The following TMEM231 variants were observed in gnomAD, a reference collection of about 807,000 sequenced individuals.
TMEM231 encodes transmembrane protein 231.
Under a neutral mutation model 38.5 loss-of-function variants are expected in TMEM231, and 40 were observed. That is an observed-to-expected ratio of 1.04 (90% CI 0.81 to 1.35). The LOEUF is 1.35. Ranked by LOEUF, TMEM231 falls within the 40% of genes most tolerant of loss-of-function variation. TMEM231 has a pLI of 0.00. For synonymous variants in TMEM231, 199 were observed against 181.7 expected, an observed-to-expected ratio of 1.10 and a Z score of -0.77; for missense variants, 420 against 416.9, an observed-to-expected ratio of 1.01 and a Z score of -0.07.
At chr16:75,544,375 C>T (rs760993221) in intron 4 of TMEM231, among the ~76,000 whole-genome samples, 7 of 152,098 alleles carry the variant, frequency 4.6e-5, no homozygotes, top group South Asian at 2.1e-4. Context: ...ATGGCATGGT[C>T]CGATAAGCCA....
chr16:75,540,114 C>G lies in TMEM231; in HGVS notation c.831G>C (p.Leu277=). The change falls in exon 7 of 7, where the codon CTG becomes CTC. Residue 277 remains leucine, a synonymous_variant. Coordinates refer to ENST00000258173, the MANE Select transcript of TMEM231 (RefSeq NM_001077418.3). ...TTTCAAACACCCAGAGGAAGATAAGCAGGATGCTGACATACTGCACCCAGG... is the reference window on the plus strand; with the variant it reads ...TTTCAAACACCCAGAGGAAGATAAGGAGGATGCTGACATACTGCACCCAGG... ...KFAWVQYVSI[L]LIFLWVFERI... The G allele has an allele frequency of 1.2e-6, 2 of 1,613,852 alleles. No homozygotes were observed. The highest frequency in any genetic ancestry group is 2.2e-5 in the East Asian group (1 of 44,882).
chr16:75,553,698 T>A (rs892601879), intron 2 of TMEM231, among the ~76,000 whole-genome samples: 1 of 151,914 alleles, frequency 6.6e-6, no homozygotes, highest in Non-Finnish European at 1.5e-5. Flanking sequence ...TAATTTTTTA[T>A]TTTTTTGAAA....
Position 75,540,190 on chromosome 16 carries a change from G to T in TMEM231, c.771-16C>A, listed in dbSNP as rs563054843. 6.2e-7 allele frequency: 1 copy of T among 1,604,544 alleles called. No individual in the cohort carries two copies. Among genetic ancestry groups the T allele is most frequent in the Admixed American group, 1.7e-5 (1 of 58,932 alleles). On this transcript the variant is annotated splice_polypyrimidine_tract_variant and intron_variant, in intron 6 of 6. Transcript: ENST00000258173. ...TGGCTGATAAGTATGGACAGTTAAG[G>T]AGTGAAGGGCCACATGGTGTTAAGT...
At chr16:75,540,803 G>T (rs754309789) in intron 6 of TMEM231, among the ~76,000 whole-genome samples, 2 of 152,086 alleles carry the variant, frequency 1.3e-5, no homozygotes, top group African/African-American at 2.4e-5. Context: ...AAACAAATAG[G>T]ACCAAGACAT....
chr16:75,544,305 G>A (rs2080658073), intron 4 of TMEM231, among the ~76,000 whole-genome samples: 1 of 152,222 alleles, frequency 6.6e-6, no homozygotes. Context: ...AGGAGGGGCT[G>A]CTACTGTAGA....
intron 2 of TMEM231, 126 bp from the exon 3 acceptor site, chr16:75,546,080 A>G: frequency 1.9e-6 from 3 of 1,547,196 alleles, no homozygotes; most frequent in South Asian, 1.2e-5. Context: ...CTCCTCCACT[A>G]AAAGAGAAAA....
intron 6 of TMEM231, among the ~76,000 whole-genome samples, chr16:75,540,653 C>T (rs1422678206): frequency 2.0e-5 from 3 of 152,112 alleles, no homozygotes; most frequent in East Asian, 3.8e-4. Context: ...TTCCATTAGT[C>T]GACCTAAGTC....
At chr16:75,554,569 GAAAAGAA>G (rs2080792014) in intron 2 of TMEM231, among the ~76,000 whole-genome samples, 12 of 141,508 alleles carry the variant, frequency 8.5e-5, no homozygotes, top group Middle Eastern at 3.6e-3. Flanking sequence ...AAAAAGAAAA[GAAAAGAA>G]AAAAGAAAAG....
intron 2 of TMEM231, among the ~76,000 whole-genome samples, chr16:75,548,387 A>C (rs1379107616): frequency 6.6e-6 from 1 of 152,154 alleles, no homozygotes; most frequent in East Asian, 1.9e-4. Context: ...TCACTCATTG[A>C]TCTGTTACGT....
At position 75,537,292 on chromosome 16, in the gene TMEM231, G is replaced by A. The variant is rs1289776374; in HGVS notation, c.*2702C>T. ...CATGAGTCTACAATAAAAGTTGGAA[G>A]GAAAAAAAAAAAAGAAATAATTGCT... is the stretch of plus-strand genomic sequence containing the variant. On this transcript the variant is annotated 3_prime_UTR_variant, in exon 7 of 7. Coordinates refer to ENST00000258173, the MANE Select transcript of TMEM231 (RefSeq NM_001077418.3). The A allele has an allele frequency of 4.1e-5, 6 of 145,228 alleles. No homozygotes were observed. Among genetic ancestry groups the A allele is most frequent in the South Asian group, 4.2e-4 (2 of 4,786 alleles). 9.0% of individuals were successfully genotyped at this position (145,228 alleles called of 1,614,324 possible).
chr16:75,541,491 T>G (rs1050719800), intron 5 of TMEM231, 36 bp from the exon 6 acceptor site: 3 of 1,420,546 alleles, frequency 2.1e-6, no homozygotes, highest in East Asian at 4.8e-5. Context: ...CCACGATGGC[T>G]GTTTGACTCT....
In TMEM231 at chr16:75,539,769, C is replaced by T. The variant is rs1295001083; in HGVS notation, c.*225G>A. On this transcript the variant is annotated 3_prime_UTR_variant, in exon 7 of 7. Coordinates refer to ENST00000258173, the MANE Select transcript of TMEM231 (RefSeq NM_001077418.3). ...GAAAACCCAAAAAGCTAATTATAGC[C>T]TCCAGGAACTCTCAGACCTTTCCAC... is the stretch of plus-strand genomic sequence containing the variant. 2 of 409,904 alleles carry T rather than the reference C, an allele frequency of 4.9e-6. No individual in the cohort carries two copies. Among genetic ancestry groups the T allele is most frequent in the African/African-American group, 2.0e-5 (1 of 48,856 alleles). The allele number at this position is 409,904 out of a possible 1,614,324, so 25.4% of individuals were successfully genotyped here.
Position 75,556,184 on chromosome 16 carries a change from TGA to T in TMEM231, c.24_25del (p.His9ProfsTer96). On this transcript the variant is annotated frameshift_variant, in exon 1 of 7. Coordinates refer to ENST00000258173, the MANE Select transcript of TMEM231 (RefSeq NM_001077418.3). LOFTEE classifies it high-confidence loss of function. ...CGCGCGGTAACTGCGCTCGACCGGG[TGA>T]GAGAAGAGCTCATAGAGCGCCATGA... is the stretch of plus-strand genomic sequence containing the variant. The T allele has an allele frequency of 2.0e-6, 3 of 1,518,912 alleles. No homozygotes were observed. The highest frequency in any genetic ancestry group is 2.6e-6 in the Non-Finnish European group (3 of 1,137,938). 94.1% of individuals were successfully genotyped at this position (1,518,912 alleles called of 1,614,324 possible). A position where few individuals can be genotyped will look rare whatever the true frequency, so the allele number is the denominator to read the frequency against.
At chr16:75,545,322 A>G (rs1342881675) in intron 4 of TMEM231, 30 bp downstream of exon 4, 1 of 1,595,316 alleles carries the variant, frequency 6.3e-7, no homozygotes, top group Admixed American at 1.8e-5. Flanking sequence ...CAGAGAAACA[A>G]AGGAGCTGGA....
intron 2 of TMEM231, among the ~76,000 whole-genome samples, chr16:75,547,035 A>G (rs565863433): frequency 1.3e-5 from 2 of 152,348 alleles, no homozygotes; most frequent in South Asian, 4.1e-4. Flanking sequence ...ATCCACTCCT[A>G]CCATCCACAG....
chr16:75,553,955 T>G (rs1673187607), intron 2 of TMEM231, among the ~76,000 whole-genome samples: 1 of 152,170 alleles, frequency 6.6e-6, no homozygotes, highest in Non-Finnish European at 1.5e-5. Context: ...GAAAGATGAT[T>G]TAGCTTCTTC....
At position 75,537,746 on chromosome 16, in the gene TMEM231, A is replaced by C. The variant is rs2080575141; in HGVS notation, c.*2248T>G. On this transcript the variant is annotated 3_prime_UTR_variant, in exon 7 of 7. Transcript: ENST00000258173. The stretch of plus-strand genomic sequence containing the variant: ...GTGATTCACCCACCTCGGCCTCCCA[A>C]AGTGCTGGGATTACAGGCGTGAGCC... 2.0e-5 allele frequency: 3 copies of C among 152,182 alleles called. No individual in the cohort carries two copies. 9.4% of individuals were successfully genotyped at this position (152,182 alleles called of 1,614,324 possible).
At position 75,541,463 on chromosome 16, in the gene TMEM231, G is replaced by A; in HGVS notation, c.665-8C>T. 1.3e-6 allele frequency: 2 copies of A among 1,591,092 alleles called. No homozygotes were observed. The highest frequency in any genetic ancestry group is 1.7e-6 in the Non-Finnish European group (2 of 1,164,024). On this transcript the variant is annotated splice_polypyrimidine_tract_variant and splice_region_variant and intron_variant, in intron 5 of 6. Coordinates refer to ENST00000258173, the MANE Select transcript of TMEM231 (RefSeq NM_001077418.3). Reference sequence around the variant, plus strand: ...CATTCAGGACGGTGGTAACTGCAATGCAATCATTAACCATTAACCACGATG... The same window carrying A: ...CATTCAGGACGGTGGTAACTGCAATACAATCATTAACCATTAACCACGATG...
chr16:75,550,717 CTTTT>C (rs35806847), intron 2 of TMEM231, among the ~76,000 whole-genome samples: 5 of 138,806 alleles, frequency 3.6e-5, no homozygotes, highest in Admixed American at 7.3e-5. Flanking sequence ...AAGTCGTATT[CTTTT>C]TTTTTTTTTT....
Sources: gnomAD v4.1 joint callset for allele counts (sites outside exome capture counted in the v4.1 genomes callset) on GRCh38, gnomAD v4.1.1 for gene constraint, MANE v1.5 for transcripts, NCBI Gene and HGNC (gene_info 2026-07-23, HGNC 2026-07-21) for gene names.